Variants in FRAS1 observed in about 807,000 individuals in gnomAD.
FRAS1 encodes the protein Fraser extracellular matrix complex subunit 1, also known as extracellular matrix organizing protein FRAS1.
FRAS1 carries 290 observed loss-of-function variants against 435.2 expected under a neutral mutation model. The ratio of observed to expected loss-of-function variants is 0.67; its 90% CI spans 0.61 to 0.73. The LOEUF is 0.73. FRAS1 is among the 30% of genes least tolerant of loss of function. FRAS1 has a pLI of 0.00. For synonymous variants in FRAS1, 1,800 were observed against 1,851.0 expected (o/e 0.97, Z 0.71); for missense variants, 4,860 against 5,001.5 (o/e 0.97, Z 0.85).
intron 2 of FRAS1, among the ~76,000 whole-genome samples, chr4:78,127,020 C>T (rs961606619): frequency 6.6e-6 from 1 of 152,146 alleles, no homozygotes; most frequent in Admixed American, 6.5e-5. Context: ...TTGTACTAGG[C>T]ACCAGGATAG....
chr4:78,368,273 A>T (rs934664289), intron 22 of FRAS1, among the ~76,000 whole-genome samples: 13 of 117,442 alleles, frequency 1.1e-4, no homozygotes, highest in Middle Eastern at 4.9e-3. Context: ...AATTATCAAT[A>T]TGCATATTCT....
intron 2 of FRAS1, among the ~76,000 whole-genome samples, chr4:78,186,020 A>C (rs925543051): frequency 6.6e-6 from 1 of 152,138 alleles, no homozygotes; most frequent in African/African-American, 2.4e-5. Flanking sequence ...TGAATATTCC[A>C]CAGTTGTCAT....
intron 2 of FRAS1, among the ~76,000 whole-genome samples, chr4:78,225,045 T>C (rs1267787333): frequency 6.6e-6 from 1 of 152,120 alleles, no homozygotes; most frequent in Non-Finnish European, 1.5e-5. Flanking sequence ...GGGGTGTACA[T>C]TGATGACCTC....
chr4:78,395,093 T>A (rs970758344), intron 29 of FRAS1, among the ~76,000 whole-genome samples: 1 of 151,982 alleles, frequency 6.6e-6, no homozygotes, highest in Non-Finnish European at 1.5e-5. Flanking sequence ...TTTGGTGGAA[T>A]CTTTAGGGTT....
chr4:78,415,681 C>A (rs530066825), intron 32 of FRAS1, among the ~76,000 whole-genome samples: 4 of 152,058 alleles, frequency 2.6e-5, no homozygotes, highest in Non-Finnish European at 5.9e-5. Context: ...TAAGTGAAAA[C>A]GCAGTAAGAA....
intron 2 of FRAS1, among the ~76,000 whole-genome samples, chr4:78,205,852 G>T (rs140552616): frequency 6.6e-6 from 1 of 152,048 alleles, no homozygotes; most frequent in Non-Finnish European, 1.5e-5. Context: ...ACTGAATGAC[G>T]CCTGTTTCCC....
intron 45 of FRAS1, among the ~76,000 whole-genome samples, chr4:78,450,924 T>C (rs1201227731): frequency 6.6e-6 from 1 of 151,732 alleles, no homozygotes; most frequent in Non-Finnish European, 1.5e-5. Flanking sequence ...GAAAACGTAA[T>C]CCACAGTCTT....
chr4:78,130,422 C>A (rs1376646851), intron 2 of FRAS1, among the ~76,000 whole-genome samples: 3 of 152,084 alleles, frequency 2.0e-5, no homozygotes, highest in Non-Finnish European at 2.9e-5. Context: ...AAGTCAGCAC[C>A]ACATACTTAT....
intron 2 of FRAS1, among the ~76,000 whole-genome samples, chr4:78,142,829 C>T (rs1720251164): frequency 6.6e-6 from 1 of 151,982 alleles, no homozygotes; most frequent in Non-Finnish European, 1.5e-5. Flanking sequence ...GTCAAAGATG[C>T]ATGTTTTAAT....
intron 20 of FRAS1, among the ~76,000 whole-genome samples, chr4:78,340,314 T>A (rs901006710): frequency 1.3e-5 from 2 of 152,200 alleles, no homozygotes; most frequent in African/African-American, 4.8e-5. Flanking sequence ...GTCTGGTGCT[T>A]AGAAATCATT....
chr4:78,527,953 G>A (rs1297319421), intron 70 of FRAS1, among the ~76,000 whole-genome samples: 4 of 152,098 alleles, frequency 2.6e-5, no homozygotes, highest in Non-Finnish European at 5.9e-5. Context: ...CATGAGGGAA[G>A]GGCTGGCCAT....
intron 34 of FRAS1, among the ~76,000 whole-genome samples, chr4:78,422,672 C>T (rs1285089931): frequency 1.3e-5 from 2 of 152,150 alleles, no homozygotes; most frequent in East Asian, 1.9e-4. Flanking sequence ...GACAGACCCT[C>T]GAAGCCTGTA....
chr4:78,353,891 T>C lies in FRAS1; in HGVS notation c.2423-9622T>C, dbSNP rs1222563017. Reference sequence around the variant, plus strand: ...GAGGGATAGCATTGGGAGATATACCTAATGCTAGATGACACATTAGTGGGT... The same window carrying C: ...GAGGGATAGCATTGGGAGATATACCCAATGCTAGATGACACATTAGTGGGT... On this transcript the variant is annotated intron_variant, in intron 20 of 73. Coordinates refer to ENST00000512123, the MANE Select transcript of FRAS1 (RefSeq NM_025074.7). Among the ~76,000 whole-genome samples, 5 of 21,756 alleles carry C rather than the reference T, an allele frequency of 2.3e-4. 1 individual carries two copies. The highest frequency in any genetic ancestry group is 1.9e-3 in the East Asian group (3 of 1,616). 14.3% of individuals were successfully genotyped at this position (21,756 alleles called of 152,430 possible).
intron 29 of FRAS1, among the ~76,000 whole-genome samples, chr4:78,396,053 G>T (rs1732648279): frequency 6.6e-6 from 1 of 151,866 alleles, no homozygotes; most frequent in African/African-American, 2.4e-5. Flanking sequence ...TGCCATGAGG[G>T]TTACATAAAA....
chr4:78,182,889 A>AAG (rs367993428), intron 2 of FRAS1, among the ~76,000 whole-genome samples: 881 of 76,304 alleles, frequency 0.012, 22 homozygotes, highest in African/African-American at 0.04. Flanking sequence ...CAAAAAAAAG[A>AAG]AAAAAAGAAA....
intron 2 of FRAS1, among the ~76,000 whole-genome samples, chr4:78,229,712 A>T (rs1169215745): frequency 1.2e-4 from 2 of 16,790 alleles, no homozygotes; most frequent in African/African-American, 5.1e-4. Context: ...AGCACAGAAT[A>T]AAAAAAAAAA....
Position 78,413,007 on chromosome 4 carries a change from C to A in FRAS1, c.4347C>A (p.Ser1449Arg). Residue 1449 changes from serine (S) to arginine (R), a missense_variant, in exon 32 of 74, where the codon AGC (serine) becomes AGA (arginine). Coordinates refer to ENST00000512123, the MANE Select transcript of FRAS1 (RefSeq NM_025074.7). ...CCAATGCCCAGACCCGCCTGGAGAGCCACATGTTCAACATCGCGATCTTAC... is the reference window on the plus strand; with the variant it reads ...CCAATGCCCAGACCCGCCTGGAGAGACACATGTTCAACATCGCGATCTTAC... Reference protein sequence around the residue: ...SASNAQTRLESHMFNIAILPQ... With the variant: ...SASNAQTRLERHMFNIAILPQ... The A allele has an allele frequency of 1.2e-6, 2 of 1,609,434 alleles. No individual in the cohort carries two copies. Among genetic ancestry groups the A allele is most frequent in the Non-Finnish European group, 1.7e-6 (2 of 1,178,118 alleles).
At chr4:78,180,195 C>G (rs1488881220) in intron 2 of FRAS1, among the ~76,000 whole-genome samples, 2 of 151,902 alleles carry the variant, frequency 1.3e-5, no homozygotes, top group East Asian at 3.9e-4. Context: ...GGTATGAAAG[C>G]TTTGATCTAG....
At chr4:78,139,750 A>T (rs1720081309) in intron 2 of FRAS1, among the ~76,000 whole-genome samples, 1 of 152,230 alleles carries the variant, frequency 6.6e-6, no homozygotes, top group Non-Finnish European at 1.5e-5. Flanking sequence ...TGTGTGAAAA[A>T]ATATAAAACA....
Sources: allele counts gnomAD v4.1 joint callset (sites outside exome capture counted in the v4.1 genomes callset), GRCh38; gene constraint gnomAD v4.1.1; transcripts MANE v1.5; gene names NCBI Gene and HGNC (gene_info 2026-07-23, HGNC 2026-07-21).